MSI2: variants seen among roughly 807,000 people sequenced by gnomAD.
The protein encoded by MSI2 is RNA-binding protein Musashi homolog 2.
In MSI2, 17 loss-of-function variants were observed where a neutral mutation model predicts 45.6. That is an observed-to-expected ratio of 0.37 (90% confidence interval 0.26 to 0.56). MSI2 has a LOEUF of 0.56. Among genes scored for constraint, MSI2 ranks in the 20% least tolerant of loss-of-function variants. The pLI, the probability that MSI2 is intolerant of heterozygous loss-of-function variation, is 0.77. For missense variants in MSI2, 293 were observed against 444.2 expected (o/e 0.66, Z 3.06); for synonymous variants, 156 against 158.2 (o/e 0.99, Z 0.11).
intron 6 of MSI2, among the ~76,000 whole-genome samples, chr17:57,401,984 C>T (rs1160824344): frequency 6.6e-6 from 1 of 152,168 alleles, no homozygotes; most frequent in Non-Finnish European, 1.5e-5. Flanking sequence ...CATTCTCTGA[C>T]CTGAATGTCT....
chr17:57,691,716 T>C, the MSI2 span, among the ~76,000 whole-genome samples: 1 of 152,350 alleles, frequency 6.6e-6, no homozygotes, highest in African/African-American at 2.4e-5. Flanking sequence ...AACTCCCTTA[T>C]TAATTCTGGC....
chr17:57,317,220 G>A (rs557198516), intron 5 of MSI2, among the ~76,000 whole-genome samples: 46 of 152,282 alleles, frequency 3.0e-4, no homozygotes, highest in African/African-American at 1.1e-3. Context: ...GCCTGCCATG[G>A]CCAGGGCATG....
intron 7 of MSI2, among the ~76,000 whole-genome samples, chr17:57,579,311 G>A (rs2088136868): frequency 6.6e-6 from 1 of 152,178 alleles, no homozygotes; most frequent in African/African-American, 2.4e-5. Context: ...TTTTCAAGTT[G>A]GGGAAAGCTC....
chr17:57,508,972 T>C (rs2086294513), intron 6 of MSI2, among the ~76,000 whole-genome samples: 1 of 152,142 alleles, frequency 6.6e-6, no homozygotes, highest in Admixed American at 6.5e-5. Context: ...ATGGTTTCTG[T>C]GGTCCAAGTG....
intron 7 of MSI2, among the ~76,000 whole-genome samples, chr17:57,594,627 G>GAATAGGATA: frequency 6.6e-6 from 1 of 152,200 alleles, no homozygotes; most frequent in African/African-American, 2.4e-5. Flanking sequence ...CAAAGAGAGG[G>GAATAGGATA]AATAGGATAG....
At chr17:57,331,306 C>T (rs1464315004) in intron 5 of MSI2, among the ~76,000 whole-genome samples, 5 of 152,188 alleles carry the variant, frequency 3.3e-5, no homozygotes, top group Non-Finnish European at 7.3e-5. Context: ...TGTGTTTCCA[C>T]GTGGTTCCTC....
At chr17:57,538,616 CTCCT>C (rs2086973567) in intron 7 of MSI2, among the ~76,000 whole-genome samples, 1 of 152,200 alleles carries the variant, frequency 6.6e-6, no homozygotes, top group Non-Finnish European at 1.5e-5. Flanking sequence ...TTCCCCCTTC[CTCCT>C]TAAGTGAAAC....
chr17:57,488,161 G>A (rs1031708049), intron 6 of MSI2, among the ~76,000 whole-genome samples: 1 of 152,122 alleles, frequency 6.6e-6, no homozygotes, highest in Non-Finnish European at 1.5e-5. Flanking sequence ...CATTCCTCCA[G>A]AGGGTGGTAC....
At chr17:57,517,698 AGGCTGGTACCTTCAAAG>A (rs1404724627) in intron 6 of MSI2, among the ~76,000 whole-genome samples, 2 of 152,180 alleles carry the variant, frequency 1.3e-5, no homozygotes, top group South Asian at 4.1e-4. Flanking sequence ...TTGGAATCAA[AGGCTGGTACCTTCAAAG>A]GGCTGGTGGA....
intron 6 of MSI2, among the ~76,000 whole-genome samples, chr17:57,473,026 G>A (rs1212828884): frequency 1.1e-5 from 1 of 91,008 alleles, no homozygotes; most frequent in Non-Finnish European, 2.5e-5. Context: ...CTGAGTAGCT[G>A]GGATTACAGG....
chr17:57,518,190 C>T (rs768221903), intron 6 of MSI2, among the ~76,000 whole-genome samples: 40 of 152,176 alleles, frequency 2.6e-4, no homozygotes, highest in Non-Finnish European at 5.1e-4. Context: ...TAGGCAAGCC[C>T]TTCATCCCAT....
chr17:57,424,038 G>T (rs1567815587), intron 6 of MSI2, among the ~76,000 whole-genome samples: 1 of 152,230 alleles, frequency 6.6e-6, no homozygotes, highest in African/African-American at 2.4e-5. Flanking sequence ...TACATCTCCT[G>T]CAGGGGCAAT....
intron 5 of MSI2, among the ~76,000 whole-genome samples, chr17:57,379,216 C>T (rs931069851): frequency 6.6e-6 from 1 of 151,428 alleles, no homozygotes; most frequent in Admixed American, 6.6e-5. Flanking sequence ...TCTTGGCTGC[C>T]AGGTTTCCGT....
intron 8 of MSI2, among the ~76,000 whole-genome samples, chr17:57,609,841 G>T (rs1907053116): frequency 6.6e-6 from 1 of 152,212 alleles, no homozygotes; most frequent in South Asian, 2.1e-4. Context: ...TAGGGAGAGG[G>T]TGTAACGCAG....
chr17:57,454,500 G>A (rs1307074509), intron 6 of MSI2, among the ~76,000 whole-genome samples: 1 of 143,754 alleles, frequency 7.0e-6, no homozygotes, highest in Non-Finnish European at 1.5e-5. Flanking sequence ...GCAGTGGCAC[G>A]ATCTTGGCTC....
chr17:57,447,425 C>T (rs555091443), intron 6 of MSI2, among the ~76,000 whole-genome samples: 3 of 152,234 alleles, frequency 2.0e-5, no homozygotes, highest in South Asian at 4.2e-4. Flanking sequence ...TTTTAAATCA[C>T]GCTTCTCTGG....
intron 11 of MSI2, among the ~76,000 whole-genome samples, chr17:57,669,357 A>G (rs1912605956): frequency 6.6e-6 from 1 of 152,178 alleles, no homozygotes; most frequent in Non-Finnish European, 1.5e-5. Context: ...GCCAACTGGC[A>G]TTGTGGACCC....
At chr17:57,327,491 A>G (rs982771569) in intron 5 of MSI2, among the ~76,000 whole-genome samples, 1 of 152,344 alleles carries the variant, frequency 6.6e-6, no homozygotes, top group African/African-American at 2.4e-5. Flanking sequence ...ATCTTCTTCC[A>G]GCTGACCATG....
At chr17:57,498,243 G>GA (rs1023811524) in intron 6 of MSI2, among the ~76,000 whole-genome samples, 18 of 152,252 alleles carry the variant, frequency 1.2e-4, no homozygotes, top group South Asian at 2.1e-4. Context: ...CTTCAAAGGG[G>GA]AAAAAAATCT....
Sources: allele counts gnomAD v4.1 joint callset (sites outside exome capture counted in the v4.1 genomes callset), GRCh38; gene constraint gnomAD v4.1.1; transcripts MANE v1.5; gene names NCBI Gene and HGNC (gene_info 2026-07-23, HGNC 2026-07-21).